LYST: variants seen among roughly 807,000 people sequenced by gnomAD.
LYST encodes lysosomal-trafficking regulator.
In LYST, 192 loss-of-function variants were observed where a neutral mutation model predicts 413.6. The observed-to-expected ratio is 0.46, with a 90% CI of 0.41 to 0.52. The LOEUF is 0.52. Ranked by LOEUF, LYST falls within the 20% of genes least tolerant of loss-of-function variation. The probability of loss-of-function intolerance (pLI) is 0.00; values close to 1 mark genes in which losing one functional copy is unlikely to be tolerated. For missense variants in LYST, 3,815 were observed against 4,499.9 expected, an observed-to-expected ratio of 0.85 and a Z score of 4.35; for synonymous variants, 1,525 against 1,567.3, an observed-to-expected ratio of 0.97 and a Z score of 0.64.
At chr1:235,729,991 T>C (rs1433706816) in intron 36 of LYST, among the ~76,000 whole-genome samples, 3 of 152,008 alleles carry the variant, frequency 2.0e-5, no homozygotes, top group Admixed American at 6.5e-5. Context: ...CAGATACATT[T>C]TTTGTGTGTG....
In LYST at chr1:235,741,539, T is replaced by C. The variant is rs1245821080; in HGVS notation, c.8241A>G (p.Leu2747=). The C allele has an allele frequency of 1.2e-6, 2 of 1,614,020 alleles. No homozygotes were observed. The highest frequency in any genetic ancestry group is 1.1e-5 in the South Asian group (1 of 91,076). The change falls in exon 31 of 53, where the codon CTA becomes CTG. Residue 2747 remains leucine, a synonymous_variant. Transcript: ENST00000389793. ...KETFRMQLGR[L]LVHILSPAHA... The stretch of plus-strand genomic sequence containing the variant: ...GGGCTGGCGACAAAATATGCACTAG[T>C]AGTCTCCCAAGCTGCATTCGGAAGG...
At chr1:235,771,903 AG>A (rs1368299566) in intron 19 of LYST, among the ~76,000 whole-genome samples, 16 of 147,968 alleles carry the variant, frequency 1.1e-4, no homozygotes, top group Non-Finnish European at 2.1e-4. Flanking sequence ...AGATTAGAAA[AG>A]GTTTTTTAGT....
chr1:235,870,799 T>C (rs1471685244), upstream of LYST, among the ~76,000 whole-genome samples: 2 of 152,232 alleles, frequency 1.3e-5, no homozygotes, highest in Non-Finnish European at 2.9e-5. Flanking sequence ...ACTCAGTAAA[T>C]ATTTGGATAA....
intron 1 of LYST, among the ~76,000 whole-genome samples, chr1:235,850,793 A>C (rs1238822935): frequency 6.6e-6 from 1 of 152,208 alleles, no homozygotes; most frequent in Non-Finnish European, 1.5e-5. Flanking sequence ...ATCACTAATG[A>C]TCAGGGGAAT....
intron 1 of LYST, among the ~76,000 whole-genome samples, chr1:235,872,783 G>T (rs1047046116): frequency 1.3e-5 from 2 of 152,136 alleles, no homozygotes; most frequent in East Asian, 3.9e-4. Context: ...GGGTGTGGTG[G>T]TGCATGCCTG....
At chr1:235,775,223 T>C in intron 17 of LYST, 137 bp from the exon 18 acceptor site, 15 of 694,646 alleles carry the variant, frequency 2.2e-5, no homozygotes, top group Non-Finnish European at 3.8e-5. Context: ...ACTCTACCTA[T>C]GTAAGGCTTG....
rs1672843462 is a variant in LYST at position 235,806,441 on chromosome 1, T to C, written c.2695A>G (p.Asn899Asp). 6.2e-7 allele frequency: 1 copy of C among 1,613,960 alleles called. No individual in the cohort carries two copies. Among genetic ancestry groups the C allele is most frequent in the South Asian group, 1.1e-5 (1 of 91,088 alleles). Residue 899 changes from asparagine (N) to aspartate (D), a missense_variant, in exon 6 of 53, where the codon AAC (asparagine) becomes GAC (aspartate). Asn to Asp is a conservative substitution (Grantham distance 23, BLOSUM62 1). Coordinates refer to ENST00000389793, the MANE Select transcript of LYST (RefSeq NM_000081.4). ...VNQDVHINTINLFLCVAFLCV... is the reference protein window; with the variant it reads ...VNQDVHINTIDLFLCVAFLCV... Reference sequence around the variant, plus strand: ...AAAAAAGCCACACAGAGGAATAGGTTTATTGTGTTGATATGAACATCTTGG... The same window carrying C: ...AAAAAAGCCACACAGAGGAATAGGTCTATTGTGTTGATATGAACATCTTGG...
chr1:235,879,740 CTTTTTTT>C (rs66680369), intron 1 of LYST, among the ~76,000 whole-genome samples: 1 of 146,282 alleles, frequency 6.8e-6, no homozygotes, highest in South Asian at 2.2e-4. Flanking sequence ...TTCTTTCTTT[CTTTTTTT>C]TTTTTTTGAG....
intron 3 of LYST, among the ~76,000 whole-genome samples, chr1:235,816,624 G>A (rs1240955730): frequency 6.6e-6 from 1 of 151,968 alleles, no homozygotes; most frequent in African/African-American, 2.4e-5. Context: ...TATACAAAAA[G>A]AACAAAGCTA....
chr1:235,762,887 T>A, intron 21 of LYST, 36 bp from the exon 22 acceptor site: 2 of 1,577,102 alleles, frequency 1.3e-6, no homozygotes, highest in East Asian at 4.5e-5. Context: ...AGCAAAATTT[T>A]TAAAAAGGAT....
chr1:235,857,678 C>T (rs59713951), intron 1 of LYST, among the ~76,000 whole-genome samples: 9,156 of 148,230 alleles, frequency 0.062, 931 homozygotes, highest in African/African-American at 0.22. Flanking sequence ...GGTGTGTGTG[C>T]GCGTGTGCAC....
At chr1:235,707,624 A>AAAAT (rs960463717) in intron 44 of LYST, among the ~76,000 whole-genome samples, 32 of 152,248 alleles carry the variant, frequency 2.1e-4, no homozygotes, top group African/African-American at 6.5e-4. Flanking sequence ...CTCCATCTCA[A>AAAAT]AAATAAATAA....
At chr1:235,842,499 C>G (rs1183562104) in intron 1 of LYST, among the ~76,000 whole-genome samples, 1 of 152,158 alleles carries the variant, frequency 6.6e-6, no homozygotes, top group Non-Finnish European at 1.5e-5. Flanking sequence ...AATGAAAGCC[C>G]TATAATGACA....
chr1:235,781,076 GT>G, intron 15 of LYST, 21 bp from the exon 16 acceptor site: 1 of 1,533,250 alleles, frequency 6.5e-7, no homozygotes, highest in Non-Finnish European at 9.0e-7. Flanking sequence ...GAAAAATAAA[GT>G]TAGTTATTTA....
At chr1:235,794,810 A>C (rs1471935134) in intron 10 of LYST, among the ~76,000 whole-genome samples, 1 of 152,234 alleles carries the variant, frequency 6.6e-6, no homozygotes, top group East Asian at 1.9e-4. Context: ...GTTTTTAAGT[A>C]GGAAAATAAT....
chr1:235,804,686 C>A (rs769403247), intron 6 of LYST, 21 bp from the exon 7 acceptor site: 1 of 1,395,038 alleles, frequency 7.2e-7, no homozygotes, highest in Non-Finnish European at 1.0e-6. Context: ...ATAAAAGAGA[C>A]TAAGAATATT....
intron 19 of LYST, among the ~76,000 whole-genome samples, chr1:235,771,311 G>A (rs865955331): frequency 2.0e-5 from 3 of 152,156 alleles, no homozygotes; most frequent in Non-Finnish European, 2.9e-5. Flanking sequence ...AATTAATTAC[G>A]TAAGAAAATC....
chr1:235,712,558 G>C, intron 42 of LYST: 11 of 951,534 alleles, frequency 1.2e-5, no homozygotes, highest in Non-Finnish European at 1.4e-5. Flanking sequence ...TTTATTTATT[G>C]AATGAATGAA....
chr1:235,777,340 C>A (rs1669378047), intron 16 of LYST, 32 bp from the exon 17 acceptor site: 2 of 1,598,626 alleles, frequency 1.3e-6, no homozygotes, highest in Non-Finnish European at 1.7e-6. Context: ...TCAGTAATGA[C>A]AACAAGTTTA....
Sources: gnomAD v4.1 joint callset for allele counts (sites outside exome capture counted in the v4.1 genomes callset) on GRCh38, gnomAD v4.1.1 for gene constraint, MANE v1.5 for transcripts, NCBI Gene and HGNC (gene_info 2026-07-23, HGNC 2026-07-21) for gene names.